The following HTT variants were observed in gnomAD, a reference collection of about 807,000 sequenced individuals.
HTT encodes the protein huntingtin, also known as huntington disease protein.
A neutral mutation model predicts 362.3 loss-of-function variants in HTT; 104 were observed. The observed-to-expected ratio is 0.29, with a 90% CI of 0.24 to 0.34. The LOEUF (loss-of-function observed/expected upper bound fraction) is 0.34. HTT is among the 10% of genes least tolerant of loss of function. The pLI, the probability that HTT is intolerant of heterozygous loss-of-function variation, is 1.00. For missense variants in HTT, 3,301 were observed against 3,928.6 expected (o/e 0.84, Z 4.27); for synonymous variants, 1,577 against 1,548.7 (o/e 1.02, Z -0.43).
In HTT at chr4:3,103,839, A is replaced by G; in HGVS notation, c.484A>G (p.Asn162Asp). The G allele has an allele frequency of 1.2e-6, 2 of 1,602,910 alleles. No homozygotes were observed. Among genetic ancestry groups the G allele is most frequent in the East Asian group, 2.2e-5 (1 of 44,740 alleles). ...TTTGTTGTAGGCTTTGATGGATTCT[A>G]ATCTTCCAAGGTTACAGCTCGAGCT... ...NKVIKALMDSNLPRLQLELYK... is the reference protein window; with the variant it reads ...NKVIKALMDSDLPRLQLELYK... The change falls in exon 4 of 67, where the codon AAT becomes GAT. Residue 162 changes from asparagine (N) to aspartate (D), a missense_variant. Transcript: ENST00000355072.
In HTT at chr4:3,175,127, C is replaced by G. The variant is rs778645713; in HGVS notation, c.4407+20C>G. The G allele has an allele frequency of 6.2e-6, 10 of 1,602,918 alleles. No homozygotes were observed. The Admixed American group carries it at 1.7e-4, about 27-fold the overall frequency. On this transcript the variant is annotated intron_variant, in intron 33 of 66. Transcript: ENST00000355072. ...GATCAGGTTTGTCACTTTTATCTTT[C>G]ATCCATCATACCTGTTCCTAATTTA...
rs771335865 is a variant in HTT, at chr4:3,236,146, C to T, written c.8786-3C>T. The T allele has an allele frequency of 6.2e-6, 10 of 1,610,722 alleles. No homozygotes were observed. The highest frequency in any genetic ancestry group is 1.7e-4 in the Middle Eastern group (1 of 6,060). On this transcript the variant is annotated splice_polypyrimidine_tract_variant and splice_region_variant and intron_variant, in intron 63 of 66. Transcript: ENST00000355072. Reference sequence around the variant, plus strand: ...ACCTTCGTACTGAACACTTTTGTTACAGGAAAGGAGAAAGTCAGTCCGGGT... The same window carrying T: ...ACCTTCGTACTGAACACTTTTGTTATAGGAAAGGAGAAAGTCAGTCCGGGT...
chr4:3,241,100 G>A lies in HTT; in HGVS notation c.*1041G>A, dbSNP rs1402996088. On this transcript the variant is annotated 3_prime_UTR_variant, in exon 67 of 67. Coordinates refer to ENST00000355072, the MANE Select transcript of HTT (RefSeq NM_001388492.1). ...CCTTGCTAGCCCTGGGGTGGCGTCTGCCTAGGAGCTGGCTGGCAGGTGTTG... is the reference window on the plus strand; with the variant it reads ...CCTTGCTAGCCCTGGGGTGGCGTCTACCTAGGAGCTGGCTGGCAGGTGTTG... The A allele has an allele frequency of 6.6e-6, 1 of 152,550 alleles. No individual in the cohort carries two copies. Among genetic ancestry groups the A allele is most frequent in the Non-Finnish European group, 1.5e-5 (1 of 68,326 alleles). The allele number at this position is 152,550 out of a possible 1,614,324, so 9.4% of individuals were successfully genotyped here.
intron 2 of HTT, among the ~76,000 whole-genome samples, chr4:3,098,161 A>G (rs533484179): frequency 3.3e-5 from 5 of 152,364 alleles, no homozygotes; most frequent in East Asian, 1.9e-4. Context: ...TGAATGATCT[A>G]TCATTTCAAA....
intron 7 of HTT, 56 bp from the exon 8 acceptor site, chr4:3,116,029 C>A: frequency 6.8e-7 from 1 of 1,475,320 alleles, no homozygotes; most frequent in Non-Finnish European, 9.4e-7. Context: ...CAGATTAAGC[C>A]GGGAATCTCC....
At position 3,131,725 on chromosome 4, in the gene HTT, C is replaced by G. The variant is rs1269609292; in HGVS notation, c.2186C>G (p.Ser729Cys). ...VGAAVALHPE[S>C]FFSKLYKVPL... ...GCAGCTGTGGCCCTCCACCCGGAAT[C>G]TTTCTTCAGCAAACTCTATAAAGTT... Residue 729 changes from serine (S) to cysteine (C), a missense_variant, in exon 16 of 67, where the codon TCT (serine) becomes TGT (cysteine). This residue lies in a region of HTT where 2,316 missense variants were observed against 2,658.5 expected (regional missense o/e 0.87). Transcript: ENST00000355072. 6.2e-7 allele frequency: 1 copy of G among 1,614,130 alleles called. No homozygotes were observed. Among genetic ancestry groups the G allele is most frequent in the East Asian group, 2.2e-5 (1 of 44,890 alleles).
At chr4:3,158,900 GCTAT>G (rs1444293292) in intron 28 of HTT, among the ~76,000 whole-genome samples, 3 of 152,102 alleles carry the variant, frequency 2.0e-5, no homozygotes, top group African/African-American at 7.2e-5. Context: ...CCTAGTGCTT[GCTAT>G]CTGTTTATTA....
intron 8 of HTT, among the ~76,000 whole-genome samples, chr4:3,120,215 A>G (rs947218596): frequency 6.6e-6 from 1 of 152,232 alleles, no homozygotes; most frequent in African/African-American, 2.4e-5. Flanking sequence ...AAAATACAGA[A>G]TACCAGTGAA....
chr4:3,138,688 A>G (rs1716199410), intron 21 of HTT, among the ~76,000 whole-genome samples: 1 of 152,058 alleles, frequency 6.6e-6, no homozygotes, highest in Non-Finnish European at 1.5e-5. Flanking sequence ...ATCTCGGCTC[A>G]CTGCAGTCTC....
intron 60 of HTT, among the ~76,000 whole-genome samples, chr4:3,231,439 G>A (rs1262979367): frequency 2.6e-5 from 4 of 152,126 alleles, no homozygotes; most frequent in Non-Finnish European, 4.4e-5. Flanking sequence ...CACCCTAGGC[G>A]GCCAAGGTCA....
chr4:3,197,847 C>G (rs1023560850), intron 40 of HTT, among the ~76,000 whole-genome samples: 10 of 152,188 alleles, frequency 6.6e-5, no homozygotes, highest in African/African-American at 2.4e-4. Flanking sequence ...ACCCCTACAT[C>G]CCGGGTCTGT....
chr4:3,187,020 G>A (rs1718796429), intron 38 of HTT, among the ~76,000 whole-genome samples: 1 of 151,290 alleles, frequency 6.6e-6, no homozygotes, highest in African/African-American at 2.4e-5. Flanking sequence ...CACCACGCCC[G>A]GCTAATTTTT....
At chr4:3,204,529 A>T (rs1017454158) in intron 42 of HTT, among the ~76,000 whole-genome samples, 1 of 152,212 alleles carries the variant, frequency 6.6e-6, no homozygotes, top group Non-Finnish European at 1.5e-5. Context: ...CTGATTTTAA[A>T]TTTTTTTAAA....
intron 26 of HTT, among the ~76,000 whole-genome samples, chr4:3,151,887 C>T (rs1348703167): frequency 2.0e-5 from 3 of 152,144 alleles, no homozygotes; most frequent in African/African-American, 7.2e-5. Context: ...ATTTGGATTA[C>T]TGCACTAGCC....
intron 1 of HTT, among the ~76,000 whole-genome samples, chr4:3,075,595 G>C (rs1436418512): frequency 6.6e-6 from 1 of 150,558 alleles, no homozygotes; most frequent in Non-Finnish European, 1.5e-5. Flanking sequence ...GAGAGATGTG[G>C]GGGCAGTGGA....
At position 3,209,928 on chromosome 4, in the gene HTT, G is replaced by C. The variant is rs1229464941; in HGVS notation, c.6393G>C (p.Met2131Ile). Residue 2131 changes from methionine to isoleucine, a missense_variant, in exon 47 of 67, where the codon ATG becomes ATC. By Grantham distance (10) the Met-to-Ile change is conservative. Coordinates refer to ENST00000355072, the MANE Select transcript of HTT (RefSeq NM_001388492.1). ...ELVNRIPAEDMNAFMMNSEFN... is the reference protein window; with the variant it reads ...ELVNRIPAEDINAFMMNSEFN... ...TGAATCGGATTCCTGCTGAAGATAT[G>C]AATGCCTTCATGATGAACTCGGTAC... 5 of 1,613,954 alleles carry C rather than the reference G, an allele frequency of 3.1e-6. No homozygotes were observed. Among genetic ancestry groups the C allele is most frequent in the East Asian group, 2.2e-5 (1 of 44,906 alleles).
chr4:3,126,107 C>A (rs1339311535), intron 11 of HTT, among the ~76,000 whole-genome samples: 1 of 152,212 alleles, frequency 6.6e-6, no homozygotes, highest in African/African-American at 2.4e-5. Flanking sequence ...CACTGGAGTG[C>A]AGTGGTGTGC....
intron 6 of HTT, among the ~76,000 whole-genome samples, chr4:3,113,290 A>C (rs891686571): frequency 2.0e-4 from 30 of 151,978 alleles, no homozygotes; most frequent in Admixed American, 2.0e-3. Context: ...CATAATAATG[A>C]GTAGCTCTCA....
intron 37 of HTT, among the ~76,000 whole-genome samples, chr4:3,186,016 A>G (rs1157053383): frequency 1.3e-5 from 2 of 152,220 alleles, no homozygotes; most frequent in Admixed American, 6.5e-5. Context: ...GGAGTTCTCC[A>G]TTGCACTGGG....
Sources: allele counts gnomAD v4.1 joint callset (sites outside exome capture counted in the v4.1 genomes callset), GRCh38; gene constraint gnomAD v4.1.1; regional missense constraint gnomAD v4.1.1; transcripts MANE v1.5; gene names NCBI Gene and HGNC (gene_info 2026-07-23, HGNC 2026-07-21).